FGF14: variants seen among roughly 807,000 people sequenced by gnomAD.
The protein encoded by FGF14 is fibroblast growth factor 14.
Under a neutral mutation model 25.5 loss-of-function variants are expected in FGF14, and 5 were observed. The observed-to-expected ratio is 0.20, with a 90% confidence interval of 0.10 to 0.41. The LOEUF (loss-of-function observed/expected upper bound fraction) is 0.41. Among genes scored for constraint, FGF14 ranks in the 10% least tolerant of loss-of-function variants. The probability of loss-of-function intolerance (pLI) is 1.00; values close to 1 mark genes in which losing one functional copy is unlikely to be tolerated. For missense variants in FGF14, 222 were observed against 320.1 expected, an observed-to-expected ratio of 0.69 and a Z score of 2.34; for synonymous variants, 138 against 118.3, an observed-to-expected ratio of 1.17 and a Z score of -1.08.
chr13:102,027,843 T>C (rs2041010566), intron 1 of FGF14, among the ~76,000 whole-genome samples: 1 of 151,998 alleles, frequency 6.6e-6, no homozygotes, highest in Non-Finnish European at 1.5e-5. Flanking sequence ...AACCTGCAGG[T>C]GTTTCCATAG....
chr13:102,290,332 C>T (rs1463504256), intron 1 of FGF14, among the ~76,000 whole-genome samples: 2 of 152,122 alleles, frequency 1.3e-5, no homozygotes, highest in African/African-American at 4.8e-5. Context: ...TCACCAGACA[C>T]CTACCCTGAC....
chr13:101,997,424 TAAATA>T (rs1482749193), intron 1 of FGF14, among the ~76,000 whole-genome samples: 1 of 152,188 alleles, frequency 6.6e-6, no homozygotes, highest in Non-Finnish European at 1.5e-5. Context: ...TTTACTAAAT[TAAATA>T]AAATTATTAA....
In FGF14 at chr13:101,868,804, C is replaced by A; in HGVS notation, c.329G>T (p.Gly110Val). The change falls in exon 3 of 5, where the codon GGA (glycine) becomes GTA (valine). Residue 110 changes from glycine to valine, a missense_variant. This residue lies in a region of FGF14 where 50 missense variants were observed against 75.2 expected (regional missense o/e 0.66). Transcript: ENST00000376143. The part of the protein sequence containing the change: ...NSTLFNLIPV[G>V]LRVVAIQGVK... The stretch of plus-strand genomic sequence containing the variant: ...TCCCTGGATGGCAACAACACGTAGT[C>A]CCACTGGTATGAGGTTGAAGAGTGC... The A allele has an allele frequency of 1.2e-6, 2 of 1,613,308 alleles. No homozygotes were observed. Among genetic ancestry groups the A allele is most frequent in the African/African-American group, 1.3e-5 (1 of 75,006 alleles).
intron 3 of FGF14, among the ~76,000 whole-genome samples, chr13:101,778,175 T>A (rs2039255391): frequency 6.6e-6 from 1 of 152,184 alleles, no homozygotes; most frequent in Admixed American, 6.6e-5. Context: ...AATGTTATTT[T>A]ACCCAGTTGG....
At position 101,722,970 on chromosome 13, in the gene FGF14, A is replaced by G. The variant is rs375906199; in HGVS notation, c.608-3T>C. On this transcript the variant is annotated splice_region_variant and splice_polypyrimidine_tract_variant and intron_variant, in intron 4 of 4. Coordinates refer to ENST00000376143, the MANE Select transcript of FGF14 (RefSeq NM_004115.4). The stretch of plus-strand genomic sequence containing the variant: ...AGATGGTTCTCGGTACATGGCAACT[A>G]GTGATGGGAAGAAAGGAGGAGGAAA... The G allele has an allele frequency of 7.4e-6, 12 of 1,612,994 alleles. No individual in the cohort carries two copies. The African/African-American group carries it at 1.6e-4, about 22-fold the overall frequency.
At chr13:102,120,852 T>C (rs1000576930) in intron 1 of FGF14, among the ~76,000 whole-genome samples, 1 of 151,956 alleles carries the variant, frequency 6.6e-6, no homozygotes, top group East Asian at 1.9e-4. Context: ...TATAGGCGCC[T>C]GCCACCACAC....
At chr13:102,102,118 G>C (rs1184009994) in intron 1 of FGF14, among the ~76,000 whole-genome samples, 2 of 152,194 alleles carry the variant, frequency 1.3e-5, no homozygotes, top group East Asian at 1.9e-4. Context: ...ATCCAATACA[G>C]TTGGTATGAG....
chr13:102,121,438 AT>A (rs5806270), intron 1 of FGF14, among the ~76,000 whole-genome samples: 102,629 of 151,734 alleles, frequency 0.68, 36,160 homozygotes, highest in East Asian at 0.9. Context: ...AATATTTTGA[AT>A]AAAAAAATCT....
chr13:101,733,538 T>C lies in FGF14; in HGVS notation c.409-6728A>G, dbSNP rs1443352024. ...TGAACCTGGGAGGCAGAGGTTGCAG[T>C]GAGCGGAGATTGTGCCACTGCACTC... is the stretch of plus-strand genomic sequence containing the variant. On this transcript the variant is annotated intron_variant, in intron 3 of 4. Transcript: ENST00000376143. Among the ~76,000 whole-genome samples the C allele has an allele frequency of 2.1e-5, 3 of 142,482 alleles. No homozygotes were observed. The East Asian group carries it at 6.1e-4, about 29-fold the overall frequency. 93.5% of individuals were successfully genotyped at this position (142,482 alleles called of 152,430 possible).
chr13:102,349,214 G>A (rs563795711), intron 1 of FGF14, among the ~76,000 whole-genome samples: 2 of 152,230 alleles, frequency 1.3e-5, no homozygotes, highest in African/African-American at 4.8e-5. Flanking sequence ...AGTTGCCCCG[G>A]AAACTACATT....
intron 1 of FGF14, among the ~76,000 whole-genome samples, chr13:101,992,600 AG>A (rs1367332240): frequency 3.3e-5 from 5 of 152,172 alleles, no homozygotes; most frequent in African/African-American, 1.2e-4. Context: ...ATGTAAGAGA[AG>A]ATGGGAAATG....
At chr13:101,979,643 G>A (rs74713495) in intron 1 of FGF14, among the ~76,000 whole-genome samples, 2,012 of 152,226 alleles carry the variant, frequency 0.013, 52 homozygotes, top group African/African-American at 0.046. Context: ...TGAAGTTGAA[G>A]TAGAAAGAAG....
chr13:102,265,563 T>C (rs892539584), intron 1 of FGF14, among the ~76,000 whole-genome samples: 2 of 152,170 alleles, frequency 1.3e-5, no homozygotes, highest in African/African-American at 4.8e-5. Context: ...CTGTACCTGA[T>C]AGTTGCATTA....
chr13:101,881,486 G>A (rs1353787413), intron 1 of FGF14, among the ~76,000 whole-genome samples: 1 of 152,052 alleles, frequency 6.6e-6, no homozygotes, highest in East Asian at 1.9e-4. Flanking sequence ...TTTTTAAGTT[G>A]TAATTACATA....
intron 1 of FGF14, among the ~76,000 whole-genome samples, chr13:102,200,098 G>A (rs610678): frequency 0.85 from 128,787 of 152,162 alleles, 54,922 homozygotes; most frequent in African/African-American, 0.96. Context: ...ACTATCTGCC[G>A]CATAGAGTTG....
chr13:101,857,303 A>T (rs2044176960), intron 3 of FGF14, among the ~76,000 whole-genome samples: 1 of 151,982 alleles, frequency 6.6e-6, no homozygotes, highest in African/African-American at 2.4e-5. Context: ...CCTCACAAAA[A>T]ATACGTTATT....
At chr13:101,889,269 G>T (rs144161662) in intron 1 of FGF14, among the ~76,000 whole-genome samples, 3 of 152,132 alleles carry the variant, frequency 2.0e-5, no homozygotes, top group African/African-American at 7.2e-5. Flanking sequence ...CACGTTCACC[G>T]ATTTAGAGAC....
At chr13:101,797,669 T>C (rs992424135) in intron 3 of FGF14, among the ~76,000 whole-genome samples, 2 of 151,444 alleles carry the variant, frequency 1.3e-5, no homozygotes, top group African/African-American at 4.8e-5. Context: ...TGAAAATGTA[T>C]TATCTGACCA....
chr13:101,980,307 GGTTA>G (rs1361706481), intron 1 of FGF14, among the ~76,000 whole-genome samples: 1 of 151,280 alleles, frequency 6.6e-6, no homozygotes, highest in African/African-American at 2.4e-5. Flanking sequence ...GGGATTTAGT[GGTTA>G]GTTTTATAAT....
Sources: gnomAD v4.1 joint callset for allele counts (sites outside exome capture counted in the v4.1 genomes callset) on GRCh38, gnomAD v4.1.1 for gene constraint, gnomAD v4.1.1 regional missense constraint, MANE v1.5 for transcripts, NCBI Gene and HGNC (gene_info 2026-07-23, HGNC 2026-07-21) for gene names.